Variants in LRP10 observed in about 807,000 individuals in gnomAD.
LRP10 encodes LDL receptor related protein 10, also known as low-density lipoprotein receptor-related protein 10.
LRP10 carries 42 observed loss-of-function variants against 58.5 expected under a neutral mutation model. That is an observed-to-expected ratio of 0.72 (90% CI 0.56 to 0.93). The LOEUF (loss-of-function observed/expected upper bound fraction) is 0.93, where lower values mean the gene tolerates loss of function less well. Among genes scored for constraint, LRP10 ranks in the 40% least tolerant of loss-of-function variants. The pLI, the probability that LRP10 is intolerant of heterozygous loss-of-function variation, is 0.00. For synonymous variants in LRP10, 377 were observed against 388.5 expected, an observed-to-expected ratio of 0.97 and a Z score of 0.35; for missense variants, 872 against 940.1, an observed-to-expected ratio of 0.93 and a Z score of 0.95.
At chr14:22,872,920 G>A (rs2039971142) in intron 2 of LRP10, 138 bp downstream of exon 2, 2 of 844,850 alleles carry the variant, frequency 2.4e-6, no homozygotes, top group Admixed American at 4.9e-5. Flanking sequence ...TATAGATAAG[G>A]AAGCTGAGGC....
chr14:22,877,189 G>A lies in LRP10; in HGVS notation c.1804G>A (p.Gly602Ser). Residue 602 changes from glycine (G) to serine (S), a missense_variant, in exon 7 of 7, where the codon GGC becomes AGC. By Grantham distance (56) the Gly-to-Ser change is moderately conservative. Coordinates refer to ENST00000359591, the MANE Select transcript of LRP10 (RefSeq NM_014045.5). The surrounding 1 kb of genome is among the most constrained non-coding windows in gnomAD (Gnocchi z 5.1). ...LDGGTGPARE[G>S]GAVGGQDGEQ... The stretch of plus-strand genomic sequence containing the variant: ...TGGTGGCACAGGTCCAGCCCGTGAG[G>A]GCGGGGCAGTGGGTGGGCAAGATGG... 1 of 1,597,922 alleles carries A rather than the reference G, an allele frequency of 6.3e-7. No homozygotes were observed. The highest frequency in any genetic ancestry group is 8.5e-7 in the Non-Finnish European group (1 of 1,172,618).
chr14:22,876,265 C>T lies in LRP10; in HGVS notation c.1317C>T (p.Arg439=), dbSNP rs140112882. The part of the protein sequence containing the change: ...DEWDCSYVLP[R]KVITAAVIGS... ...GGGACTGCTCCTATGTTCTGCCCCGCAAGGTCATTACAGCTGCAGTCATTG... is the reference window on the plus strand; with the variant it reads ...GGGACTGCTCCTATGTTCTGCCCCGTAAGGTCATTACAGCTGCAGTCATTG... Residue 439 remains arginine, a synonymous_variant, in exon 5 of 7, where the codon CGC becomes CGT. Coordinates refer to ENST00000359591, the MANE Select transcript of LRP10 (RefSeq NM_014045.5). The T allele has an allele frequency of 2.5e-6, 4 of 1,614,064 alleles. No homozygotes were observed. Among genetic ancestry groups the T allele is most frequent in the South Asian group, 1.1e-5 (1 of 91,096 alleles).
At position 22,877,074 on chromosome 14, in the gene LRP10, G is replaced by C; in HGVS notation, c.1689G>C (p.Trp563Cys). Reference protein sequence around the residue: ...MRRLVRRLRRWGLLPRTNTPA... With the variant: ...MRRLVRRLRRCGLLPRTNTPA... ...GCCTGGTACGCCGTCTCCGCCGCTG[G>C]GGCTTGCTCCCTCGAACCAACACCC... Residue 563 changes from tryptophan (W) to cysteine (C), a missense_variant, in exon 7 of 7, where the codon TGG becomes TGC. By Grantham distance (215) the Trp-to-Cys change is radical (BLOSUM62 -2). Transcript: ENST00000359591. This position sits in a 1 kb window ranked among gnomAD's most constrained non-coding sequence, Gnocchi z 5.1. 1 of 1,613,852 alleles carries C rather than the reference G, an allele frequency of 6.2e-7. No individual in the cohort carries two copies. The highest frequency in any genetic ancestry group is 1.3e-5 in the African/African-American group (1 of 75,048).
chr14:22,881,650 C>T lies in LRP10; in HGVS notation c.*4123C>T, dbSNP rs1377409268. On this transcript the variant is annotated 3_prime_UTR_variant, in exon 7 of 7. Coordinates refer to ENST00000359591, the MANE Select transcript of LRP10 (RefSeq NM_014045.5). The stretch of plus-strand genomic sequence containing the variant: ...TTGCTACTCTAAATGTGTTTCTAAT[C>T]TACTAGTACAGGAACACACATGGAC... The T allele has an allele frequency of 6.6e-6, 1 of 152,158 alleles. No individual in the cohort carries two copies. The highest frequency in any genetic ancestry group is 1.5e-5 in the Non-Finnish European group (1 of 68,034). The allele number at this position is 152,158 out of a possible 1,614,324, so 9.4% of individuals were successfully genotyped here. A position where few individuals can be genotyped will look rare whatever the true frequency, so the allele number is the denominator to read the frequency against.
intron 1 of LRP10, among the ~76,000 whole-genome samples, 153 bp from the exon 2 acceptor site, chr14:22,872,585 T>C (rs915731355): frequency 6.6e-6 from 1 of 151,290 alleles, no homozygotes; most frequent in Non-Finnish European, 1.5e-5. Context: ...CTTCCTTCCA[T>C]GGAAGTCCCA....
At chr14:22,873,885 T>C (rs2039979444) in intron 3 of LRP10, among the ~76,000 whole-genome samples, 1 of 152,144 alleles carries the variant, frequency 6.6e-6, no homozygotes, top group African/African-American at 2.4e-5. Context: ...AAGAGTAGAA[T>C]TTGATTTGGC....
chr14:22,872,933 G>C (rs889375769), intron 2 of LRP10, 151 bp downstream of exon 2: 3 of 736,674 alleles, frequency 4.1e-6, no homozygotes, highest in Non-Finnish European at 6.8e-6. Context: ...GCTGAGGCTC[G>C]GTGTGGACCT....
chr14:22,872,810 G>T (rs755588763), intron 2 of LRP10, 28 bp downstream of exon 2: 2 of 1,612,686 alleles, frequency 1.2e-6, no homozygotes, highest in African/African-American at 2.7e-5. Context: ...CTGGGGCTCC[G>T]TGGGCTTGGG....
chr14:22,872,613 G>C, intron 1 of LRP10, 125 bp from the exon 2 acceptor site: 5 of 870,918 alleles, frequency 5.7e-6, no homozygotes, highest in Non-Finnish European at 9.0e-6. Context: ...GCCCTCTCCC[G>C]CCCCCCACTC....
intron 1 of LRP10, 94 bp from the exon 2 acceptor site, chr14:22,872,644 G>C: frequency 7.9e-7 from 1 of 1,260,430 alleles, no homozygotes. Flanking sequence ...TTAACTGCCC[G>C]GAAGTCCCGG....
chr14:22,877,106 GGGCCTCTGA>G lies in LRP10; in HGVS notation c.1726_1734del (p.Ser576_Ala578del). The G allele has an allele frequency of 6.2e-7, 1 of 1,613,278 alleles. No individual in the cohort carries two copies. The highest frequency in any genetic ancestry group is 1.3e-5 in the African/African-American group (1 of 75,038). ...CTCCCTCGAACCAACACCCCGGCTC[GGGCCTCTGA>G]GGCCAGATCCCAGGTCACACCTTCT... On this transcript the variant is annotated inframe_deletion, in exon 7 of 7. Coordinates refer to ENST00000359591, the MANE Select transcript of LRP10 (RefSeq NM_014045.5). This position sits in a 1 kb window ranked among gnomAD's most constrained non-coding sequence, Gnocchi z 5.1.
chr14:22,875,304 G>C (rs767245782), intron 4 of LRP10, 51 bp from the exon 5 acceptor site: 2 of 1,584,214 alleles, frequency 1.3e-6, no homozygotes, highest in African/African-American at 2.7e-5. Flanking sequence ...AGAAGGGGAG[G>C]ATCCTGAGGG....
chr14:22,876,461 C>G (rs2040007615), intron 5 of LRP10, 89 bp downstream of exon 5: 2 of 1,490,322 alleles, frequency 1.3e-6, no homozygotes, highest in Admixed American at 3.6e-5. Context: ...AAGTGCCCAC[C>G]TTGGGGAGAG....
rs371755191 is a variant in LRP10 at position 22,875,648 on chromosome 14, G to C, written c.700G>C (p.Val234Leu). The change falls in exon 5 of 7, where the codon GTG (valine) becomes CTG (leucine). Residue 234 changes from valine (V) to leucine (L), a missense_variant. Coordinates refer to ENST00000359591, the MANE Select transcript of LRP10 (RefSeq NM_014045.5). ...LDPHDGRRLAVRFTALDLGFG... is the reference protein window; with the variant it reads ...LDPHDGRRLALRFTALDLGFG... ...CCCCCATGATGGCCGGCGGCTGGCC[G>C]TGCGCTTCACAGCCCTGGACTTGGG... The C allele has an allele frequency of 1.2e-6, 2 of 1,613,904 alleles. No homozygotes were observed. The highest frequency in any genetic ancestry group is 1.7e-6 in the Non-Finnish European group (2 of 1,180,040).
In LRP10 at chr14:22,875,455, T is replaced by C. The variant is rs562040502; in HGVS notation, c.507T>C (p.Ser169=). The C allele has an allele frequency of 1.2e-6, 2 of 1,614,226 alleles. No homozygotes were observed. The highest frequency in any genetic ancestry group is 2.2e-5 in the South Asian group (2 of 91,090). ...CDGVDACGDG[S]DEAGCSSDPF... ...GGGTTGATGCCTGTGGCGATGGCTCTGATGAAGCAGGTTGCAGCTCAGACC... is the reference window on the plus strand; with the variant it reads ...GGGTTGATGCCTGTGGCGATGGCTCCGATGAAGCAGGTTGCAGCTCAGACC... The change falls in exon 5 of 7, where the codon TCT becomes TCC. Residue 169 remains serine (S), a synonymous_variant. Transcript: ENST00000359591.
At position 22,878,537 on chromosome 14, in the gene LRP10, A is replaced by C. The variant is rs1445274486; in HGVS notation, c.*1010A>C. 4 of 153,088 alleles carry C rather than the reference A, an allele frequency of 2.6e-5. No homozygotes were observed. The highest frequency in any genetic ancestry group is 9.7e-5 in the African/African-American group (4 of 41,442). The allele number at this position is 153,088 out of a possible 1,614,324, so 9.5% of individuals were successfully genotyped here. ...CAGTCTGTCCTATGCAAGACAGATG[A>C]ATTCTCAGCCAGGATACCTCAAGGC... On this transcript the variant is annotated 3_prime_UTR_variant, in exon 7 of 7. Coordinates refer to ENST00000359591, the MANE Select transcript of LRP10 (RefSeq NM_014045.5).
chr14:22,875,103 C>A lies in LRP10; in HGVS notation c.264C>A (p.Arg88=). ...LACGSERLTL[R]SPLQPLISLC... ...GTGGCTCAGAGCGCTTAACCCTACG[C>A]TCCCCTCTCCAGCCACTGATCTCCC... The change falls in exon 4 of 7, where the codon CGC becomes CGA. Residue 88 remains arginine (R), a synonymous_variant. Coordinates refer to ENST00000359591, the MANE Select transcript of LRP10 (RefSeq NM_014045.5). 6.2e-7 allele frequency: 1 copy of A among 1,611,498 alleles called. No individual in the cohort carries two copies. The highest frequency in any genetic ancestry group is 8.5e-7 in the Non-Finnish European group (1 of 1,178,746).
rs2040021119 is a variant in LRP10 at position 22,877,460 on chromosome 14, T to C, written c.2075T>C (p.Leu692Pro). The C allele has an allele frequency of 6.2e-7, 1 of 1,613,118 alleles. No individual in the cohort carries two copies. The highest frequency in any genetic ancestry group is 1.3e-5 in the African/African-American group (1 of 74,906). The change falls in exon 7 of 7, where the codon CTA becomes CCA. Residue 692 changes from leucine (L) to proline (P), a missense_variant. Physicochemically the swap from Leu to Pro is moderately conservative, Grantham distance 98 (BLOSUM62 -3). Coordinates refer to ENST00000359591, the MANE Select transcript of LRP10 (RefSeq NM_014045.5). This position sits in a 1 kb window ranked among gnomAD's most constrained non-coding sequence, Gnocchi z 5.1. ...GCCCTGGAAGATGAGGACGATGTGC[T>C]ACTGGTGCCACTGGCTGAGCCGGGG... is the stretch of plus-strand genomic sequence containing the variant. ...VLALEDEDDV[L>P]LVPLAEPGVW...
Position 22,878,133 on chromosome 14 carries a change from C to G in LRP10, c.*606C>G, listed in dbSNP as rs2040027162. On this transcript the variant is annotated 3_prime_UTR_variant, in exon 7 of 7. Coordinates refer to ENST00000359591, the MANE Select transcript of LRP10 (RefSeq NM_014045.5). ...GAGCCCCGCCTCTGCCCATCTCAGT[C>G]TATGCTCACCTCATCCCACTCCTCC... is the stretch of plus-strand genomic sequence containing the variant. 1 of 152,344 alleles carries G rather than the reference C, an allele frequency of 6.6e-6. No individual in the cohort carries two copies. The highest frequency in any genetic ancestry group is 1.5e-5 in the Non-Finnish European group (1 of 68,116). 9.4% of individuals were successfully genotyped at this position (152,344 alleles called of 1,614,324 possible).
Sources: allele counts gnomAD v4.1 joint callset (sites outside exome capture counted in the v4.1 genomes callset), GRCh38; gene constraint gnomAD v4.1.1; non-coding constraint Gnocchi (gnomAD v3.1); transcripts MANE v1.5; gene names NCBI Gene and HGNC (gene_info 2026-07-23, HGNC 2026-07-21).